The following USP38 variants were observed in gnomAD, a reference collection of about 807,000 sequenced individuals.
USP38 encodes ubiquitin carboxyl-terminal hydrolase 38.
In USP38, 49 loss-of-function variants were observed where a neutral mutation model predicts 94.3. The observed-to-expected ratio is 0.52, with a 90% confidence interval of 0.41 to 0.66. USP38 has a LOEUF of 0.66. Ranked by LOEUF, USP38 falls within the 30% of genes least tolerant of loss-of-function variation. The pLI is 0.00. For synonymous variants in USP38, 468 were observed against 463.6 expected (o/e 1.01, Z -0.12); for missense variants, 1,128 against 1,229.4 (o/e 0.92, Z 1.23).
intron 2 of USP38, among the ~76,000 whole-genome samples, chr4:143,193,216 GT>G (rs943217279): frequency 6.7e-6 from 1 of 148,378 alleles, no homozygotes; most frequent in African/African-American, 2.5e-5. Context: ...AACTGCAGTG[GT>G]TTTTTTTTTC....
chr4:143,205,802 A>G (rs1731844212), intron 5 of USP38, among the ~76,000 whole-genome samples: 2 of 152,150 alleles, frequency 1.3e-5, no homozygotes, highest in Non-Finnish European at 2.9e-5. Context: ...CCAGCTTTTG[A>G]GTATTCCTTA....
intron 4 of USP38, among the ~76,000 whole-genome samples, chr4:143,199,427 A>G (rs889950300): frequency 2.1e-4 from 32 of 152,268 alleles, no homozygotes; most frequent in African/African-American, 7.5e-4. Context: ...GCTATTGTGA[A>G]TAATGCTACA....
intron 2 of USP38, among the ~76,000 whole-genome samples, chr4:143,190,329 C>CT (rs1731360629): frequency 6.6e-6 from 1 of 152,000 alleles, no homozygotes; most frequent in Admixed American, 6.5e-5. Flanking sequence ...GAAATAGGTA[C>CT]TGTTATTGGC....
chr4:143,216,243 G>A (rs909878396), intron 9 of USP38, among the ~76,000 whole-genome samples: 12 of 151,956 alleles, frequency 7.9e-5, no homozygotes, highest in African/African-American at 2.4e-4. Context: ...TTTAAGACTC[G>A]TATGTTACTT....
At chr4:143,219,783 A>G (rs1732277477) in intron 9 of USP38, among the ~76,000 whole-genome samples, 1 of 152,086 alleles carries the variant, frequency 6.6e-6, no homozygotes, top group African/African-American at 2.4e-5. Context: ...TTTATTGAAT[A>G]CCTAACATAT....
In USP38 at chr4:143,212,276, A is replaced by T. The variant is rs181023579; in HGVS notation, c.1498-42A>T. ...AGATTTCAGTTACTTGGTTCATGCT[A>T]TAAGAATCACTTCCTTATATTTTCT... On this transcript the variant is annotated intron_variant, in intron 7 of 9. Transcript: ENST00000307017. 6 of 1,491,998 alleles carry T rather than the reference A, an allele frequency of 4.0e-6. No homozygotes were observed. In the Admixed American group the frequency reaches 1.1e-4, roughly 28 times the overall value. 92.4% of individuals were successfully genotyped at this position (1,491,998 alleles called of 1,614,324 possible). A position where few individuals can be genotyped will look rare whatever the true frequency, so the allele number is the denominator to read the frequency against.
chr4:143,197,839 G>A lies in USP38; in HGVS notation c.965G>A (p.Trp322Ter). The part of the protein sequence containing the change: ...LKIELVFNRL[W>*]FPLVRPGALA... ...ATTTTGAAGGTTTTTAATCGACTTT[G>A]GTTTCCTCTTGTGAGACCTGGTGCT... Residue 322 changes from tryptophan to a stop codon, truncating the protein, a stop_gained, in exon 4 of 10, where the codon TGG becomes TAG. Coordinates refer to ENST00000307017, the MANE Select transcript of USP38 (RefSeq NM_032557.6). LOFTEE classifies it high-confidence loss of function. The A allele has an allele frequency of 6.2e-7, 1 of 1,613,192 alleles. No homozygotes were observed. Among genetic ancestry groups the A allele is most frequent in the Non-Finnish European group, 8.5e-7 (1 of 1,179,522 alleles).
At chr4:143,199,193 G>A (rs1731638959) in intron 4 of USP38, among the ~76,000 whole-genome samples, 1 of 152,078 alleles carries the variant, frequency 6.6e-6, no homozygotes. Flanking sequence ...GTGTTCATGA[G>A]TTCTCACCAT....
chr4:143,196,500 T>C (rs1731552935), intron 3 of USP38, among the ~76,000 whole-genome samples: 1 of 152,120 alleles, frequency 6.6e-6, no homozygotes. Context: ...CTGTCAGCAG[T>C]ATTTGGCACA....
At chr4:143,208,904 G>A (rs973321846) in intron 6 of USP38, among the ~76,000 whole-genome samples, 2 of 148,916 alleles carry the variant, frequency 1.3e-5, no homozygotes, top group Admixed American at 1.3e-4. Flanking sequence ...CATTAGTCCT[G>A]TGGTATCTGT....
chr4:143,195,721 T>C lies in USP38; in HGVS notation c.824T>C (p.Ile275Thr), dbSNP rs778909414. Residue 275 changes from isoleucine to threonine, a missense_variant, in exon 3 of 10, where the codon ATT becomes ACT. Ile to Thr is a moderately conservative substitution (Grantham distance 89). Coordinates refer to ENST00000307017, the MANE Select transcript of USP38 (RefSeq NM_032557.6). ...TCATTTTCCTTCAATTTCAGAATGA[T>C]TGACTGGCTATCCTGGCCATTGGCT... The part of the protein sequence containing the change: ...ASMTQALCRM[I>T]DWLSWPLAQH... 1.3e-6 allele frequency: 2 copies of C among 1,581,150 alleles called. No individual in the cohort carries two copies. Among genetic ancestry groups the C allele is most frequent in the Non-Finnish European group, 1.7e-6 (2 of 1,167,200 alleles).
chr4:143,209,787 A>G, intron 7 of USP38, 130 bp downstream of exon 7: 1 of 560,438 alleles, frequency 1.8e-6, no homozygotes, highest in Non-Finnish European at 3.0e-6. Context: ...TAACAAATCC[A>G]CTTAGAAATG....
intron 7 of USP38, among the ~76,000 whole-genome samples, chr4:143,211,520 G>A (rs1732023694): frequency 6.6e-6 from 1 of 152,130 alleles, no homozygotes; most frequent in African/African-American, 2.4e-5. Context: ...CATGTTTAAT[G>A]TAGGCTAAAC....
chr4:143,214,899 G>A lies in USP38; in HGVS notation c.2923G>A (p.Glu975Lys), dbSNP rs1401222915. Residue 975 changes from glutamate to lysine, a missense_variant, in exon 9 of 10, where the codon GAA (glutamate) becomes AAA (lysine). By Grantham distance (56) the Glu-to-Lys change is moderately conservative. Coordinates refer to ENST00000307017, the MANE Select transcript of USP38 (RefSeq NM_032557.6). ...WINGDPPLQK[E>K]LMDAITKDNK... The stretch of plus-strand genomic sequence containing the variant: ...AAATGGAGACCCACCTCTACAGAAA[G>A]AACTTATGGATGCTATAACAAAAGA... The A allele has an allele frequency of 6.2e-7, 1 of 1,613,298 alleles. No homozygotes were observed. The highest frequency in any genetic ancestry group is 1.7e-5 in the Admixed American group (1 of 59,880).
chr4:143,213,794 C>T lies in USP38; in HGVS notation c.1818C>T (p.Thr606=). Residue 606 remains threonine, a synonymous_variant, in exon 9 of 10, where the codon ACC becomes ACT. Coordinates refer to ENST00000307017, the MANE Select transcript of USP38 (RefSeq NM_032557.6). ...TACGTTGTTTGAACTGCAGGAGTAC[C>T]TCACAAAAAGTGGAAGCCTTTACAG... ...THIRCLNCRS[T]SQKVEAFTDL... 3 of 1,613,722 alleles carry T rather than the reference C, an allele frequency of 1.9e-6. No individual in the cohort carries two copies. Among genetic ancestry groups the T allele is most frequent in the Non-Finnish European group, 2.5e-6 (3 of 1,179,814 alleles).
chr4:143,210,267 G>A (rs865795324), intron 7 of USP38, among the ~76,000 whole-genome samples: 9 of 152,226 alleles, frequency 5.9e-5, no homozygotes, highest in Non-Finnish European at 1.2e-4. Context: ...ATTAAGAGAC[G>A]CTATATGCAG....
Position 143,185,821 on chromosome 4 carries a change from T to G in USP38, c.371T>G (p.Phe124Cys). The G allele has an allele frequency of 1.2e-6, 2 of 1,614,220 alleles. No individual in the cohort carries two copies. Among genetic ancestry groups the G allele is most frequent in the Non-Finnish European group, 1.7e-6 (2 of 1,180,046 alleles). ...IMSCPSVLDL[F>C]SLLQVEVLRM... ...AGCTGTCCGTCGGTGCTGGATCTCT[T>G]TAGCCTCCTGCAGGTAGAGGTGTTA... Residue 124 changes from phenylalanine (F) to cysteine (C), a missense_variant, in exon 1 of 10, where the codon TTT becomes TGT. By Grantham distance (205) the Phe-to-Cys change is radical. Transcript: ENST00000307017.
chr4:143,205,853 A>G (rs1473700696), intron 5 of USP38, among the ~76,000 whole-genome samples, 180 bp from the exon 6 acceptor site: 2 of 152,196 alleles, frequency 1.3e-5, no homozygotes. Flanking sequence ...TATTTTTGCC[A>G]TACAGTGAAA....
Position 143,220,495 on chromosome 4 carries a change from T to C in USP38, c.*39T>C, listed in dbSNP as rs1453017889. 6.4e-7 allele frequency: 1 copy of C among 1,555,460 alleles called. No homozygotes were observed. The highest frequency in any genetic ancestry group is 1.4e-5 in the African/African-American group (1 of 72,572). ...CAAAATGCACTGGTCACGAAACGTC[T>C]AATACTATGACTGTTAAAATGTCAG... is the stretch of plus-strand genomic sequence containing the variant. On this transcript the variant is annotated 3_prime_UTR_variant, in exon 10 of 10. Transcript: ENST00000307017.
Sources: allele counts gnomAD v4.1 joint callset (sites outside exome capture counted in the v4.1 genomes callset), GRCh38; gene constraint gnomAD v4.1.1; transcripts MANE v1.5; gene names NCBI Gene and HGNC (gene_info 2026-07-23, HGNC 2026-07-21).